The following NRG1 variants were observed in gnomAD, a reference collection of about 807,000 sequenced individuals.
NRG1 encodes pro-neuregulin-1, membrane-bound isoform.
Under a neutral mutation model 63.8 loss-of-function variants are expected in NRG1, and 18 were observed. The observed-to-expected ratio is 0.28, with a 90% confidence interval of 0.19 to 0.42. The LOEUF is 0.42. NRG1 is among the 10% of genes least tolerant of loss of function. The pLI, the probability that NRG1 is intolerant of heterozygous loss-of-function variation, is 1.00. For missense variants in NRG1, 762 were observed against 814.7 expected (o/e 0.94, Z 0.79); for synonymous variants, 302 against 301.3 (o/e 1.00, Z -0.02).
chr8:31,753,309 G>A (rs1816665717), intron 1 of NRG1, among the ~76,000 whole-genome samples: 1 of 151,688 alleles, frequency 6.6e-6, no homozygotes, highest in East Asian at 1.9e-4. Context: ...CAGCAAAAAT[G>A]AACTCTTATG....
At chr8:32,593,854 C>CAA (rs11444147) in intron 1 of NRG1, among the ~76,000 whole-genome samples, 2,035 of 96,962 alleles carry the variant, frequency 0.021, 41 homozygotes, top group African/African-American at 0.038. Flanking sequence ...TTCAAGGTGT[C>CAA]AAAAAAAAAA....
intron 1 of NRG1, among the ~76,000 whole-genome samples, chr8:32,499,212 C>T (rs371493367): frequency 6.6e-6 from 1 of 152,188 alleles, no homozygotes; most frequent in Non-Finnish European, 1.5e-5. Context: ...CAGGAAGCAG[C>T]ATGCAGGTGG....
intron 1 of NRG1, among the ~76,000 whole-genome samples, chr8:31,874,775 C>T (rs1483095091): frequency 3.3e-5 from 5 of 151,884 alleles, no homozygotes; most frequent in Non-Finnish European, 7.4e-5. Flanking sequence ...CCTTCCCAGC[C>T]TCTGGTAACT....
At chr8:32,445,495 A>AT (rs1820125295) in intron 1 of NRG1, among the ~76,000 whole-genome samples, 1 of 152,206 alleles carries the variant, frequency 6.6e-6, no homozygotes, top group South Asian at 2.1e-4. Context: ...GAACCACGTG[A>AT]TTTGCCTCAC....
chr8:31,639,482 C>A (rs1803520916), intron 1 of NRG1: 2 of 1,530,328 alleles, frequency 1.3e-6, no homozygotes, highest in African/African-American at 1.4e-5. Context: ...GGCCACCCAG[C>A]GATTTCCAGG....
intron 1 of NRG1, among the ~76,000 whole-genome samples, chr8:32,332,436 C>A (rs1458747987): frequency 6.6e-6 from 1 of 151,970 alleles, no homozygotes; most frequent in Non-Finnish European, 1.5e-5. Context: ...AGCTGCAGAT[C>A]CTGTCAGTCA....
At chr8:32,227,677 C>A (rs1846478500) in intron 1 of NRG1, among the ~76,000 whole-genome samples, 1 of 152,072 alleles carries the variant, frequency 6.6e-6, no homozygotes, top group Admixed American at 6.6e-5. Context: ...AGCTGAGCAC[C>A]CTGAATCATT....
At chr8:32,319,866 G>A (rs917874402) in intron 1 of NRG1, among the ~76,000 whole-genome samples, 5 of 151,946 alleles carry the variant, frequency 3.3e-5, no homozygotes, top group Admixed American at 1.3e-4. Context: ...CATATAATAT[G>A]CACACTAATA....
rs559714347 is a variant in NRG1 at position 32,193,691 on chromosome 8, C to T, written c.38-402137C>T. Reference sequence around the variant, plus strand: ...AAAGATACGTTAGAATCCCAGCCCCCGGTAACTCAGAATAGAACCTTATTT... The same window carrying T: ...AAAGATACGTTAGAATCCCAGCCCCTGGTAACTCAGAATAGAACCTTATTT... On this transcript the variant is annotated intron_variant, in intron 1 of 10. Transcript: ENST00000519301. Among the ~76,000 whole-genome samples the T allele has an allele frequency of 4.6e-5, 7 of 152,144 alleles. No individual in the cohort carries two copies. The South Asian group carries it at 6.2e-4, about 14-fold the overall frequency.
rs190820616 is a variant in NRG1 at position 32,125,862 on chromosome 8, T to A, written c.38-469966T>A. ...TTCTACATTTTTTTGAAAAACCTTG[T>A]CACAATATGATTTTGGGGCTCCATA... On this transcript the variant is annotated intron_variant, in intron 1 of 10. Transcript: ENST00000519301. Among the ~76,000 whole-genome samples, 59 of 152,162 alleles carry A rather than the reference T, an allele frequency of 3.9e-4. 1 individual carries two copies. The East Asian group carries it at 0.011, about 28-fold the overall frequency.
chr8:32,536,032 A>G (rs199991252), intron 1 of NRG1, among the ~76,000 whole-genome samples: 89 of 152,358 alleles, frequency 5.8e-4, no homozygotes, highest in Non-Finnish European at 1.1e-3. Flanking sequence ...TTATAACTGC[A>G]ACATCGTACA....
At chr8:32,759,771 T>A (rs1830364117) in intron 10 of NRG1, among the ~76,000 whole-genome samples, 1 of 152,206 alleles carries the variant, frequency 6.6e-6, no homozygotes, top group Admixed American at 6.5e-5. Flanking sequence ...GAAATGCACA[T>A]GAGAATTGGT....
intron 1 of NRG1, among the ~76,000 whole-genome samples, chr8:31,646,882 G>C (rs1360599351): frequency 5.3e-5 from 8 of 152,150 alleles, no homozygotes; most frequent in Non-Finnish European, 2.9e-5. Context: ...GAGCCTTACT[G>C]TAATCTGGAT....
chr8:31,656,615 T>A (rs1190779118), intron 1 of NRG1, among the ~76,000 whole-genome samples: 1 of 152,126 alleles, frequency 6.6e-6, no homozygotes, highest in East Asian at 1.9e-4. Flanking sequence ...AGAGACCCAA[T>A]GGATAGTTTG....
At chr8:32,284,656 G>A (rs1853312893) in intron 1 of NRG1, among the ~76,000 whole-genome samples, 2 of 151,994 alleles carry the variant, frequency 1.3e-5, no homozygotes, top group Admixed American at 6.6e-5. Flanking sequence ...TCAGCCTCCC[G>A]AGTAGCTGGG....
rs3052830 is a variant in NRG1, at chr8:31,845,106, CAAAT to C, written c.37+205711_37+205714del. Among the ~76,000 whole-genome samples the C allele has an allele frequency of 3.3e-3, 485 of 146,300 alleles. 2 individuals are homozygous for C. Among genetic ancestry groups the C allele is most frequent in the African/African-American group, 8.7e-3 (338 of 39,028 alleles). ...TGGGCGACAGGGTGAGACTCCGTCT[CAAAT>C]AAATAAATAAATAAATAAATAAATA... On this transcript the variant is annotated intron_variant, in intron 1 of 10. Transcript: ENST00000519301.
downstream of NRG1, among the ~76,000 whole-genome samples, chr8:32,772,231 A>G (rs188815187): frequency 4.0e-5 from 6 of 151,694 alleles, no homozygotes; most frequent in African/African-American, 1.4e-4. Context: ...CATGCATAAA[A>G]CAGAATTTTT....
chr8:32,546,298 T>C (rs1048787409), upstream of NRG1, among the ~76,000 whole-genome samples: 1 of 104,920 alleles, frequency 9.5e-6, no homozygotes, highest in African/African-American at 3.2e-5. Flanking sequence ...TAGAAATGGA[T>C]TTTGAGCTTC....
rs189501254 is a variant in NRG1 at position 32,597,754 on chromosome 8, A to G, written c.278+1749A>G. On this transcript the variant is annotated intron_variant, in intron 2 of 11. Transcript: ENST00000356819. The stretch of plus-strand genomic sequence containing the variant: ...AAAAATGTAATATACTGAGAATGAA[A>G]TTAAGTTTCTTCCTGTAGATCATAG... Among the ~76,000 whole-genome samples the G allele has an allele frequency of 3.9e-5, 6 of 152,238 alleles. No individual in the cohort carries two copies. The East Asian group carries it at 1.2e-3, about 29-fold the overall frequency.
Sources: allele counts gnomAD v4.1 joint callset (sites outside exome capture counted in the v4.1 genomes callset), GRCh38; gene constraint gnomAD v4.1.1; transcripts MANE v1.5; gene names NCBI Gene and HGNC (gene_info 2026-07-23, HGNC 2026-07-21).